SLC4A10: variants seen among roughly 807,000 people sequenced by gnomAD.
SLC4A10 encodes the protein sodium-driven chloride bicarbonate exchanger.
In SLC4A10, 42 loss-of-function variants were observed where a neutral mutation model predicts 137.7. The observed-to-expected ratio is 0.30, with a 90% confidence interval of 0.24 to 0.39. The LOEUF is 0.39. SLC4A10 is among the 10% of genes least tolerant of loss of function. The probability of loss-of-function intolerance (pLI) is 1.00; values close to 1 mark genes in which losing one functional copy is unlikely to be tolerated. For missense variants in SLC4A10, 925 were observed against 1,355.0 expected (o/e 0.68, Z 4.98); for synonymous variants, 474 against 464.1 (o/e 1.02, Z -0.27).
At chr2:161,841,760 A>G (rs189915696) in intron 4 of SLC4A10, among the ~76,000 whole-genome samples, 1 of 152,338 alleles carries the variant, frequency 6.6e-6, no homozygotes, top group African/African-American at 2.4e-5. Context: ...AACTGCCAGT[A>G]TTTAAAATTC....
intron 3 of SLC4A10, among the ~76,000 whole-genome samples, chr2:161,815,315 G>T (rs1025827335): frequency 4.6e-5 from 7 of 152,092 alleles, no homozygotes; most frequent in Admixed American, 6.6e-5. Context: ...TCTCGTGATG[G>T]TGAGTGATTT....
At chr2:161,832,859 G>T (rs543000341) in intron 3 of SLC4A10, among the ~76,000 whole-genome samples, 7 of 152,232 alleles carry the variant, frequency 4.6e-5, no homozygotes, top group South Asian at 2.1e-4. Context: ...TTCTGCCTCT[G>T]CCTCCCGAAT....
At chr2:161,928,693 C>T (rs561330699) in intron 15 of SLC4A10, among the ~76,000 whole-genome samples, 1 of 144,830 alleles carries the variant, frequency 6.9e-6, no homozygotes, top group African/African-American at 2.6e-5. Flanking sequence ...TTGGGACAGA[C>T]CTGGATTCAA....
chr2:161,956,025 A>G (rs983430908), intron 19 of SLC4A10, among the ~76,000 whole-genome samples: 1 of 152,220 alleles, frequency 6.6e-6, no homozygotes, highest in Non-Finnish European at 1.5e-5. Context: ...GAGAAATTAT[A>G]TAAGTTATCT....
chr2:161,663,499 G>A (rs1190898466), intron 1 of SLC4A10, among the ~76,000 whole-genome samples: 1 of 152,040 alleles, frequency 6.6e-6, no homozygotes, highest in African/African-American at 2.4e-5. Context: ...TGTGAATATT[G>A]CACCACATTG....
At chr2:161,946,627 C>G (rs1012385416) in intron 16 of SLC4A10, among the ~76,000 whole-genome samples, 1 of 151,962 alleles carries the variant, frequency 6.6e-6, no homozygotes, top group African/African-American at 2.4e-5. Flanking sequence ...ATAAGATAAA[C>G]CAAAGTAAGT....
chr2:161,708,791 T>C (rs1214038840), intron 1 of SLC4A10: 3 of 1,532,800 alleles, frequency 2.0e-6, no homozygotes, highest in African/African-American at 2.7e-5. Context: ...GGTCATGCAG[T>C]CTGGAACCTG....
At position 161,863,027 on chromosome 2, in the gene SLC4A10, A is replaced by C; in HGVS notation, c.731A>C (p.Lys244Thr). Residue 244 changes from lysine to threonine, a missense_variant, in exon 6 of 27, where the codon AAG (lysine) becomes ACG (threonine). Around this residue, in one of 11 missense-constraint regions of SLC4A10, gnomAD observed 277 missense variants for 306.1 expected, o/e 0.90. Coordinates refer to ENST00000446997, the MANE Select transcript of SLC4A10 (RefSeq NM_001178015.2). ...PIVRSFADIG[K>T]KQSEPNSMDK... is the part of the protein sequence containing the mutation. ...GTTCGTTCCTTTGCTGATATTGGCA[A>C]GAAACAGTCAGAACCAAATTCCATG... The C allele has an allele frequency of 6.2e-7, 1 of 1,613,970 alleles. No homozygotes were observed. The highest frequency in any genetic ancestry group is 8.5e-7 in the Non-Finnish European group (1 of 1,179,862).
At chr2:161,940,598 C>T (rs527818842) in intron 15 of SLC4A10, among the ~76,000 whole-genome samples, 2 of 152,152 alleles carry the variant, frequency 1.3e-5, no homozygotes, top group South Asian at 4.1e-4. Flanking sequence ...AAGCTCTTTG[C>T]AAAGGAACTG....
At chr2:161,662,744 T>C (rs886279072) in intron 1 of SLC4A10, among the ~76,000 whole-genome samples, 1 of 152,180 alleles carries the variant, frequency 6.6e-6, no homozygotes, top group Non-Finnish European at 1.5e-5. Flanking sequence ...AGCTTTTTGT[T>C]TTGTTGTGTT....
At chr2:161,915,365 A>G (rs1686898506) in intron 15 of SLC4A10, among the ~76,000 whole-genome samples, 1 of 152,220 alleles carries the variant, frequency 6.6e-6, no homozygotes, top group African/African-American at 2.4e-5. Flanking sequence ...GGGCACTGGA[A>G]AAGAATTCAC....
rs574918535 is a variant in SLC4A10 at position 161,725,609 on chromosome 2, C to CA, written c.49-45357dup. Among the ~76,000 whole-genome samples, 135 of 152,240 alleles carry CA rather than the reference C, an allele frequency of 8.9e-4. 3 individuals carry two copies. The South Asian group carries it at 0.017, about 20-fold the overall frequency. On this transcript the variant is annotated intron_variant, in intron 1 of 26. Coordinates refer to ENST00000446997, the MANE Select transcript of SLC4A10 (RefSeq NM_001178015.2). ...TTGCCTGTATCTTAATTTTCTCCTA[C>CA]AAAAAAATTACAGTAAAAATACTAG...
At chr2:161,644,272 A>G (rs2035708357) in intron 1 of SLC4A10, among the ~76,000 whole-genome samples, 1 of 152,066 alleles carries the variant, frequency 6.6e-6, no homozygotes, top group Non-Finnish European at 1.5e-5. Context: ...TGAGGTGAGA[A>G]GATCGCTTGA....
intron 1 of SLC4A10, among the ~76,000 whole-genome samples, chr2:161,735,854 T>C (rs780970474): frequency 4.6e-5 from 7 of 152,164 alleles, no homozygotes; most frequent in Non-Finnish European, 1.0e-4. Context: ...AATATAAGCT[T>C]ACAGTCAAAT....
At chr2:161,769,416 T>TA (rs1491183037) in intron 1 of SLC4A10, among the ~76,000 whole-genome samples, 1 of 151,954 alleles carries the variant, frequency 6.6e-6, no homozygotes, top group African/African-American at 2.4e-5. Flanking sequence ...AACTTAAGTC[T>TA]AGTCAAAGAT....
chr2:161,638,476 T>A (rs2034782195), intron 1 of SLC4A10, among the ~76,000 whole-genome samples: 1 of 152,180 alleles, frequency 6.6e-6, no homozygotes, highest in South Asian at 2.1e-4. Flanking sequence ...TCTGTTTCAT[T>A]GATTTATGAG....
At chr2:161,941,908 T>G (rs965115262) in intron 15 of SLC4A10, among the ~76,000 whole-genome samples, 1 of 152,112 alleles carries the variant, frequency 6.6e-6, no homozygotes, top group Non-Finnish European at 1.5e-5. Context: ...ATTTCCCTAG[T>G]GAGAGCAAGA....
intron 2 of SLC4A10, among the ~76,000 whole-genome samples, chr2:161,780,490 T>C (rs1341378076): frequency 2.0e-5 from 3 of 151,974 alleles, no homozygotes; most frequent in Non-Finnish European, 2.9e-5. Flanking sequence ...ACCCACACAA[T>C]ACCTGCCTTA....
At chr2:161,919,031 C>G (rs925689269) in intron 15 of SLC4A10, among the ~76,000 whole-genome samples, 4 of 152,196 alleles carry the variant, frequency 2.6e-5, no homozygotes, top group African/African-American at 9.7e-5. Context: ...GCTGTCTGGC[C>G]TCTCCTCCCT....
Sources: gnomAD v4.1 joint callset for allele counts (sites outside exome capture counted in the v4.1 genomes callset) on GRCh38, gnomAD v4.1.1 for gene constraint, gnomAD v4.1.1 regional missense constraint, MANE v1.5 for transcripts, NCBI Gene and HGNC (gene_info 2026-07-23, HGNC 2026-07-21) for gene names.